Variants in SLCO2A1 observed in about 807,000 individuals in gnomAD.
SLCO2A1 encodes the protein matrin F/G 1.
A neutral mutation model predicts 71.7 loss-of-function variants in SLCO2A1; 60 were observed. The ratio of observed to expected loss-of-function variants is 0.84; its 90% CI spans 0.68 to 1.04. The LOEUF (loss-of-function observed/expected upper bound fraction) is 1.04, where lower values mean the gene tolerates loss of function less well. SLCO2A1 is among the 50% of genes least tolerant of loss of function. The probability of loss-of-function intolerance (pLI) is 0.00; values close to 1 mark genes in which losing one functional copy is unlikely to be tolerated. For synonymous variants in SLCO2A1, 308 were observed against 326.7 expected, an observed-to-expected ratio of 0.94 and a Z score of 0.62; for missense variants, 745 against 813.4, an observed-to-expected ratio of 0.92 and a Z score of 1.02.
Position 133,947,418 on chromosome 3 carries a change from A to G in SLCO2A1, c.1133T>C (p.Leu378Ser), listed in dbSNP as rs748161857. 2.5e-6 allele frequency: 4 copies of G among 1,613,866 alleles called. No homozygotes were observed. The East Asian group carries it at 8.9e-5, about 36-fold the overall frequency. The change falls in exon 9 of 14, where the codon TTG becomes TCG. Residue 378 changes from leucine to serine, a missense_variant. Physicochemically the swap from Leu to Ser is moderately radical, Grantham distance 145. Coordinates refer to ENST00000310926, the MANE Select transcript of SLCO2A1 (RefSeq NM_005630.3). ...IGAVNLPAAALGMLFGGILMK... is the reference protein window; with the variant it reads ...IGAVNLPAAASGMLFGGILMK... ...GAGGATTCCTCCAAACAGCATCCCC[A>G]AGGCTGCAGCAGGGAGGTTCACAGC...
At chr3:133,957,760 C>T (rs1933932872) in intron 3 of SLCO2A1, among the ~76,000 whole-genome samples, 1 of 152,144 alleles carries the variant, frequency 6.6e-6, no homozygotes, top group Non-Finnish European at 1.5e-5. Flanking sequence ...AAGAAATTGG[C>T]TTTATCCCTA....
chr3:133,944,592 C>T (rs535150090), intron 10 of SLCO2A1, among the ~76,000 whole-genome samples: 2 of 152,264 alleles, frequency 1.3e-5, no homozygotes, highest in African/African-American at 2.4e-5. Flanking sequence ...CAGGTCAGCC[C>T]GAAATAGCTG....
chr3:134,005,568 G>A (rs1269100323), intron 1 of SLCO2A1, among the ~76,000 whole-genome samples: 4 of 145,998 alleles, frequency 2.7e-5, no homozygotes, highest in Admixed American at 7.1e-5. Flanking sequence ...TGCAACCTCC[G>A]CTTCCCGGGT....
intron 1 of SLCO2A1, among the ~76,000 whole-genome samples, chr3:133,998,485 G>C (rs903965293): frequency 1.3e-5 from 2 of 150,868 alleles, no homozygotes; most frequent in Non-Finnish European, 2.9e-5. Context: ...ATTCCCAGGC[G>C]CTCCTGTCCA....
At chr3:133,943,528 C>G (rs920224822) in intron 10 of SLCO2A1, among the ~76,000 whole-genome samples, 8 of 152,204 alleles carry the variant, frequency 5.3e-5, no homozygotes, top group Non-Finnish European at 1.2e-4. Context: ...CTAGGAAACT[C>G]CAAAGTTAGT....
At chr3:133,959,397 CAA>C (rs112457858) in intron 3 of SLCO2A1, among the ~76,000 whole-genome samples, 6 of 123,920 alleles carry the variant, frequency 4.8e-5, no homozygotes, top group Admixed American at 8.2e-5. Context: ...TGGCTATTAC[CAA>C]AAAAAAAAAA....
chr3:133,953,807 G>A (rs1330872100), intron 4 of SLCO2A1, 46 bp from the exon 5 acceptor site: 2 of 1,524,448 alleles, frequency 1.3e-6, no homozygotes, highest in Admixed American at 1.7e-5. Context: ...AATGGAGAGA[G>A]TTTGGCAGCC....
intron 1 of SLCO2A1, among the ~76,000 whole-genome samples, chr3:134,014,440 T>G (rs1935403250): frequency 6.6e-6 from 1 of 152,072 alleles, no homozygotes; most frequent in Non-Finnish European, 1.5e-5. Flanking sequence ...CCTGCCTGGG[T>G]TTCATCTCCA....
At chr3:134,021,277 A>C (rs1281310411) in intron 1 of SLCO2A1, among the ~76,000 whole-genome samples, 1 of 152,192 alleles carries the variant, frequency 6.6e-6, no homozygotes, top group African/African-American at 2.4e-5. Flanking sequence ...ATGTTGAAAA[A>C]TTTCAAAAAA....
At chr3:134,003,814 A>G (rs891669233) in intron 1 of SLCO2A1, among the ~76,000 whole-genome samples, 3 of 152,234 alleles carry the variant, frequency 2.0e-5, no homozygotes, top group Non-Finnish European at 2.9e-5. Context: ...TAATTAAAAT[A>G]CATAATCAGT....
At chr3:133,995,461 G>A (rs1934945051) in intron 1 of SLCO2A1, among the ~76,000 whole-genome samples, 1 of 152,220 alleles carries the variant, frequency 6.6e-6, no homozygotes, top group Admixed American at 6.5e-5. Context: ...AGTGGAAAAT[G>A]CATGGCCCTC....
chr3:134,007,660 T>C (rs560014908), intron 1 of SLCO2A1, among the ~76,000 whole-genome samples: 4 of 152,300 alleles, frequency 2.6e-5, no homozygotes, highest in Admixed American at 6.5e-5. Context: ...AGGGTTTTAT[T>C]AGTTCCCTTT....
chr3:134,003,236 G>A lies in SLCO2A1; in HGVS notation c.97-23618C>T, dbSNP rs114677899. Among the ~76,000 whole-genome samples the A allele has an allele frequency of 1.8e-3, 277 of 152,318 alleles. 1 individual carries two copies. Among genetic ancestry groups the A allele is most frequent in the African/African-American group, 6.0e-3 (251 of 41,568 alleles). On this transcript the variant is annotated intron_variant, in intron 1 of 13. Coordinates refer to ENST00000310926, the MANE Select transcript of SLCO2A1 (RefSeq NM_005630.3). The stretch of plus-strand genomic sequence containing the variant: ...GGAAAGATTAGCTAAGCAAACACTT[G>A]ACACCTACCAGTTGCAGCCCTAGGA...
At chr3:133,959,268 G>T (rs1429656288) in intron 3 of SLCO2A1, among the ~76,000 whole-genome samples, 1 of 152,132 alleles carries the variant, frequency 6.6e-6, no homozygotes, top group African/African-American at 2.4e-5. Context: ...GAGAGGCACA[G>T]GTACTGTGCC....
intron 6 of SLCO2A1, 30 bp downstream of exon 6, chr3:133,951,178 A>G: frequency 6.2e-7 from 1 of 1,613,650 alleles, no homozygotes; most frequent in South Asian, 1.1e-5. Flanking sequence ...CAACTCCATC[A>G]GGTAGAGTCA....
intron 3 of SLCO2A1, among the ~76,000 whole-genome samples, chr3:133,957,134 C>T (rs1933917003): frequency 6.6e-6 from 1 of 152,196 alleles, no homozygotes; most frequent in African/African-American, 2.4e-5. Context: ...AGTCTCTGCC[C>T]ATCCCCACCA....
rs1315772316 is a variant in SLCO2A1, at chr3:133,932,849, G to A, written c.*1864C>T. 3.3e-5 allele frequency: 5 copies of A among 152,584 alleles called. No individual in the cohort carries two copies. The East Asian group carries it at 9.6e-4, about 29-fold the overall frequency. The allele number at this position is 152,584 out of a possible 1,614,324, so 9.5% of individuals were successfully genotyped here. On this transcript the variant is annotated 3_prime_UTR_variant, in exon 14 of 14. Transcript: ENST00000310926. ...TTCCAAATGTGGTTAAATTGCCATG[G>A]GAAAGACCAGGGTTAGTTGCAGGGC...
intron 1 of SLCO2A1, among the ~76,000 whole-genome samples, chr3:134,019,292 C>T (rs1051509760): frequency 3.3e-5 from 5 of 152,238 alleles, no homozygotes; most frequent in African/African-American, 1.2e-4. Flanking sequence ...ATAGTATCCA[C>T]CTGATAGGGT....
intron 3 of SLCO2A1, among the ~76,000 whole-genome samples, chr3:133,972,181 G>A (rs1353000911): frequency 6.6e-6 from 1 of 152,150 alleles, no homozygotes; most frequent in Non-Finnish European, 1.5e-5. Context: ...AGAGCAGAGA[G>A]ATTTGAACAA....
Sources: allele counts gnomAD v4.1 joint callset (sites outside exome capture counted in the v4.1 genomes callset), GRCh38; gene constraint gnomAD v4.1.1; transcripts MANE v1.5; gene names NCBI Gene and HGNC (gene_info 2026-07-23, HGNC 2026-07-21).